MYO1D: variants seen among roughly 807,000 people sequenced by gnomAD.
The protein encoded by MYO1D is unconventional myosin-Id.
In MYO1D, 83 loss-of-function variants were observed where a neutral mutation model predicts 122.0. That is an observed-to-expected ratio of 0.68 (90% confidence interval 0.57 to 0.82). The LOEUF is 0.82. Ranked by LOEUF, MYO1D falls within the 40% of genes least tolerant of loss-of-function variation. The pLI, the probability that MYO1D is intolerant of heterozygous loss-of-function variation, is 0.00. For missense variants in MYO1D, 1,157 were observed against 1,269.5 expected, an observed-to-expected ratio of 0.91 and a Z score of 1.35; for synonymous variants, 464 against 446.9, an observed-to-expected ratio of 1.04 and a Z score of -0.48.
intron 16 of MYO1D, among the ~76,000 whole-genome samples, chr17:32,671,152 CACT>C (rs2088714029): frequency 6.6e-6 from 1 of 152,238 alleles, no homozygotes; most frequent in African/African-American, 2.4e-5. Context: ...CATATTGTAA[CACT>C]CCCTTTGGGG....
chr17:32,872,726 G>C (rs1463709721), intron 1 of MYO1D, among the ~76,000 whole-genome samples: 2 of 141,766 alleles, frequency 1.4e-5, no homozygotes, highest in African/African-American at 5.3e-5. Flanking sequence ...GTCTCGCTCT[G>C]TCACCCAGGC....
intron 16 of MYO1D, among the ~76,000 whole-genome samples, chr17:32,677,602 T>A (rs201102965): frequency 1.1e-4 from 3 of 28,228 alleles, no homozygotes; most frequent in South Asian, 1.1e-3. Flanking sequence ...TATATATATA[T>A]ATATATATAT....
At chr17:32,766,534 G>T (rs2090058929) in intron 7 of MYO1D, among the ~76,000 whole-genome samples, 1 of 152,104 alleles carries the variant, frequency 6.6e-6, no homozygotes, top group South Asian at 2.1e-4. Flanking sequence ...AGTGGCTCAC[G>T]CCTGTAATCC....
chr17:32,596,561 A>T (rs1181127873), intron 21 of MYO1D, among the ~76,000 whole-genome samples: 1 of 152,246 alleles, frequency 6.6e-6, no homozygotes, highest in Non-Finnish European at 1.5e-5. Flanking sequence ...TGAGTTATAA[A>T]GAACATACAC....
At chr17:32,869,742 A>G (rs763478197) in intron 1 of MYO1D, among the ~76,000 whole-genome samples, 18 of 152,108 alleles carry the variant, frequency 1.2e-4, no homozygotes, top group Non-Finnish European at 1.8e-4. Flanking sequence ...GCCAAAGTGT[A>G]TCTCTTTAAT....
intron 1 of MYO1D, among the ~76,000 whole-genome samples, chr17:32,820,784 T>C (rs2090654423): frequency 6.6e-6 from 1 of 152,210 alleles, no homozygotes. Flanking sequence ...AGCTTGACTG[T>C]GGTAATAATT....
At chr17:32,846,692 G>C (rs1478679723) in intron 1 of MYO1D, among the ~76,000 whole-genome samples, 1 of 152,160 alleles carries the variant, frequency 6.6e-6, no homozygotes, top group East Asian at 1.9e-4. Flanking sequence ...AATCAAGACA[G>C]GTCAGGCACA....
chr17:32,739,169 T>A (rs1441039725), intron 13 of MYO1D, among the ~76,000 whole-genome samples: 1 of 152,188 alleles, frequency 6.6e-6, no homozygotes, highest in Middle Eastern at 3.2e-3. Context: ...CAGTTGGAAC[T>A]CAAAATGTTG....
Position 32,775,909 on chromosome 17 carries a change from C to G in MYO1D, c.519G>C (p.Lys173Asn). The G allele has an allele frequency of 1.9e-6, 3 of 1,613,704 alleles. No homozygotes were observed. The highest frequency in any genetic ancestry group is 8.5e-7 in the Non-Finnish European group (1 of 1,179,780). ...GKYMDINFDF[K>N]GDPIGGHINN... ...TGATATGCCCACCAATAGGGTCACC[C>G]TTGAAGTCAAAGTTGATATCCATGT... The change falls in exon 4 of 22, where the codon AAG (lysine) becomes AAC (asparagine). Residue 173 changes from lysine (K) to asparagine (N), a missense_variant. Coordinates refer to ENST00000318217, the MANE Select transcript of MYO1D (RefSeq NM_015194.3).
intron 13 of MYO1D, among the ~76,000 whole-genome samples, chr17:32,739,019 TAAA>T (rs898150453): frequency 1.3e-5 from 2 of 152,320 alleles, no homozygotes; most frequent in Admixed American, 1.3e-4. Flanking sequence ...AATCCAAATC[TAAA>T]AATGCATTTC....
At chr17:32,578,243 C>A (rs2087297233) in intron 21 of MYO1D, among the ~76,000 whole-genome samples, 1 of 152,214 alleles carries the variant, frequency 6.6e-6, no homozygotes, top group Non-Finnish European at 1.5e-5. Context: ...ACCAGAGGTC[C>A]AATAAATTGC....
intron 16 of MYO1D, among the ~76,000 whole-genome samples, chr17:32,697,198 C>G (rs1245615763): frequency 6.6e-6 from 1 of 152,194 alleles, no homozygotes; most frequent in Non-Finnish European, 1.5e-5. Context: ...GGAGCTTTGT[C>G]TTGTTCCTTT....
intron 19 of MYO1D, among the ~76,000 whole-genome samples, chr17:32,646,534 A>G (rs1195568279): frequency 6.6e-6 from 1 of 152,108 alleles, no homozygotes; most frequent in Non-Finnish European, 1.5e-5. Context: ...TGAAAAACAT[A>G]TGAGTGTAGG....
At chr17:32,791,801 T>C (rs1423578035) in intron 1 of MYO1D, among the ~76,000 whole-genome samples, 1 of 152,152 alleles carries the variant, frequency 6.6e-6, no homozygotes, top group Non-Finnish European at 1.5e-5. Context: ...ATAGGCAAGA[T>C]AGACTCTTAG....
At chr17:32,870,637 A>G (rs2091170699) in intron 1 of MYO1D, among the ~76,000 whole-genome samples, 1 of 152,102 alleles carries the variant, frequency 6.6e-6, no homozygotes. Flanking sequence ...AAATAATTCC[A>G]TTGGTTGAAG....
chr17:32,573,601 C>T lies in MYO1D; in HGVS notation c.2864+31486G>A, dbSNP rs889472333. On this transcript the variant is annotated intron_variant, in intron 21 of 21. Coordinates refer to ENST00000318217, the MANE Select transcript of MYO1D (RefSeq NM_015194.3). ...GTGGTGTGATCACCGCACACTGCAGCCTCGAACTCCTGGGCTCAAGCAATC... is the reference window on the plus strand; with the variant it reads ...GTGGTGTGATCACCGCACACTGCAGTCTCGAACTCCTGGGCTCAAGCAATC... 1.6e-4 allele frequency among the ~76,000 whole-genome samples: 24 copies of T among 152,004 alleles called. No individual in the cohort carries two copies. In the South Asian group the frequency reaches 3.3e-3, roughly 21 times the overall value.
intron 20 of MYO1D, among the ~76,000 whole-genome samples, chr17:32,622,500 TGAA>T: frequency 6.6e-6 from 1 of 152,200 alleles, no homozygotes; most frequent in African/African-American, 2.4e-5. Flanking sequence ...ATGTGGCCTG[TGAA>T]GAAGAATAAA....
intron 16 of MYO1D, among the ~76,000 whole-genome samples, chr17:32,699,962 A>G (rs976155282): frequency 6.6e-6 from 1 of 152,216 alleles, no homozygotes; most frequent in Admixed American, 6.5e-5. Context: ...ACATTCTGTG[A>G]TCATAAAGCA....
At chr17:32,857,857 T>G (rs2091040358) in intron 1 of MYO1D, among the ~76,000 whole-genome samples, 2 of 152,232 alleles carry the variant, frequency 1.3e-5, no homozygotes, top group Admixed American at 1.3e-4. Context: ...ATCAGGCATT[T>G]ATTATATGCT....
Sources: allele counts gnomAD v4.1 joint callset (sites outside exome capture counted in the v4.1 genomes callset), GRCh38; gene constraint gnomAD v4.1.1; transcripts MANE v1.5; gene names NCBI Gene and HGNC (gene_info 2026-07-23, HGNC 2026-07-21).